Variants in FGD5 observed in about 807,000 individuals in gnomAD.
The protein encoded by FGD5 is FYVE, RhoGEF and PH domain-containing protein 5.
FGD5 carries 28 observed loss-of-function variants against 133.4 expected under a neutral mutation model. The observed-to-expected ratio is 0.21, with a 90% confidence interval of 0.16 to 0.29. The LOEUF (loss-of-function observed/expected upper bound fraction) is 0.29, where lower values mean the gene tolerates loss of function less well. FGD5 is among the 10% of genes least tolerant of loss of function. FGD5 has a pLI of 1.00. For synonymous variants in FGD5, 810 were observed against 776.5 expected, an observed-to-expected ratio of 1.04 and a Z score of -0.72; for missense variants, 1,858 against 1,895.2, an observed-to-expected ratio of 0.98 and a Z score of 0.36.
At chr3:14,854,389 T>TTTTTA (rs1215206630) in intron 1 of FGD5, among the ~76,000 whole-genome samples, 2 of 137,560 alleles carry the variant, frequency 1.5e-5, no homozygotes, top group African/African-American at 2.8e-5. Flanking sequence ...TTTCTTTTCT[T>TTTTTA]TTTATTTATT....
chr3:14,892,263 G>A (rs933195123), intron 4 of FGD5, among the ~76,000 whole-genome samples: 6 of 151,548 alleles, frequency 4.0e-5, no homozygotes, highest in Non-Finnish European at 7.4e-5. Context: ...GTGTAGTGGC[G>A]CTATCACAAC....
intron 1 of FGD5, among the ~76,000 whole-genome samples, chr3:14,858,058 G>A (rs1008526293): frequency 1.3e-5 from 2 of 152,182 alleles, no homozygotes; most frequent in African/African-American, 4.8e-5. Context: ...GTACAGTAAA[G>A]TACCCAGAGT....
chr3:14,915,798 C>G (rs1312441877), intron 11 of FGD5, among the ~76,000 whole-genome samples: 1 of 147,280 alleles, frequency 6.8e-6, no homozygotes, highest in Non-Finnish European at 1.5e-5. Context: ...GGTTCATGTT[C>G]CCAGGTGGAC....
At position 14,819,722 on chromosome 3, in the gene FGD5, TGAG is replaced by T. The variant is rs1012702631; in HGVS notation, c.654_656del (p.Glu219del). On this transcript the variant is annotated inframe_deletion, in exon 1 of 20. Transcript: ENST00000285046. This position sits in a 1 kb window ranked among gnomAD's most constrained non-coding sequence, Gnocchi z 4.1. ...CCCCCGGGGAGGCAGAGGAGGATGA[TGAG>T]GAAGGCTGTGCCAGCACAGACCCAG... 9 of 1,534,040 alleles carry T rather than the reference TGAG, an allele frequency of 5.9e-6. No homozygotes were observed. Among genetic ancestry groups the T allele is most frequent in the African/African-American group, 2.8e-5 (2 of 72,478 alleles).
chr3:14,901,231 C>T (rs940704670), intron 9 of FGD5, among the ~76,000 whole-genome samples, 170 bp downstream of exon 9: 7 of 152,184 alleles, frequency 4.6e-5, no homozygotes, highest in Admixed American at 3.3e-4. Context: ...TGTGTGACCT[C>T]AGGCGCTGTG....
chr3:14,830,963 A>G (rs2036696047), intron 1 of FGD5, among the ~76,000 whole-genome samples: 1 of 152,210 alleles, frequency 6.6e-6, no homozygotes, highest in African/African-American at 2.4e-5. Context: ...GGAAAAGAAG[A>G]ATAAAAAAAT....
chr3:14,926,970 A>C (rs1300126880), intron 18 of FGD5, among the ~76,000 whole-genome samples: 1 of 152,206 alleles, frequency 6.6e-6, no homozygotes, highest in Non-Finnish European at 1.5e-5. Flanking sequence ...GATGCTAGCA[A>C]ATGTGCAAAA....
At chr3:14,891,458 A>G (rs1329168955) in intron 4 of FGD5, among the ~76,000 whole-genome samples, 1 of 152,198 alleles carries the variant, frequency 6.6e-6, no homozygotes, top group Non-Finnish European at 1.5e-5. Context: ...TCATAGGAAC[A>G]CACATACCTT....
rs377729473 is a variant in FGD5, at chr3:14,820,086, G to T, written c.1015G>T (p.Val339Leu). ...PFENDCMEDF[V>L]TSLTGSPYEF... ...TGAGAATGACTGCATGGAGGACTTC[G>T]TGACTTCCCTCACAGGAAGCCCCTA... is the stretch of plus-strand genomic sequence containing the variant. The change falls in exon 1 of 20, where the codon GTG becomes TTG. Residue 339 changes from valine to leucine, a missense_variant. Physicochemically the swap from Val to Leu is conservative, Grantham distance 32. Transcript: ENST00000285046. 6.2e-7 allele frequency: 1 copy of T among 1,614,038 alleles called. No individual in the cohort carries two copies. The highest frequency in any genetic ancestry group is 1.1e-5 in the South Asian group (1 of 91,084).
intron 1 of FGD5, among the ~76,000 whole-genome samples, chr3:14,822,197 A>G (rs2036518861): frequency 6.6e-6 from 1 of 152,190 alleles, no homozygotes; most frequent in Non-Finnish European, 1.5e-5. Flanking sequence ...GGTACATGTG[A>G]AAGCATTTTT....
chr3:14,832,594 AGAAGAG>A (rs2036733596), intron 1 of FGD5, among the ~76,000 whole-genome samples: 3 of 152,124 alleles, frequency 2.0e-5, no homozygotes, highest in Admixed American at 6.5e-5. Context: ...TTTTTTTAAT[AGAAGAG>A]AAAACTGAGG....
intron 9 of FGD5, among the ~76,000 whole-genome samples, chr3:14,906,199 C>T (rs2038337900): frequency 6.6e-6 from 1 of 152,226 alleles, no homozygotes; most frequent in Non-Finnish European, 1.5e-5. Flanking sequence ...CAGGCTACTG[C>T]CCTGTGTTAC....
At chr3:14,899,940 C>A (rs293908) in intron 7 of FGD5, among the ~76,000 whole-genome samples, 18,643 of 152,138 alleles carry the variant, frequency 0.12, 1,525 homozygotes, top group East Asian at 0.42. Flanking sequence ...TGGGGTAGGA[C>A]CAAGCTTGGC....
At chr3:14,926,792 G>A (rs1284992043) in intron 18 of FGD5, among the ~76,000 whole-genome samples, 1 of 152,088 alleles carries the variant, frequency 6.6e-6, no homozygotes, top group Admixed American at 6.5e-5. Context: ...GTTGGATAAT[G>A]TGAAACATTT....
intron 18 of FGD5, among the ~76,000 whole-genome samples, chr3:14,929,700 A>G (rs115995752): frequency 5.6e-4 from 86 of 152,308 alleles, no homozygotes; most frequent in Non-Finnish European, 1.1e-3. Flanking sequence ...TTTTTAAAGT[A>G]GGTTGTACTG....
chr3:14,882,830 T>C (rs1335919587), intron 4 of FGD5, among the ~76,000 whole-genome samples: 4 of 152,162 alleles, frequency 2.6e-5, no homozygotes, highest in African/African-American at 9.7e-5. Flanking sequence ...AGGTCCTAGC[T>C]AGGGACATGA....
chr3:14,843,484 G>A (rs2036964423), intron 1 of FGD5, among the ~76,000 whole-genome samples: 1 of 152,092 alleles, frequency 6.6e-6, no homozygotes, highest in Admixed American at 6.6e-5. Context: ...GTCCACCCCA[G>A]GCTCTGCGGC....
intron 1 of FGD5, among the ~76,000 whole-genome samples, chr3:14,858,850 C>G (rs1001522642): frequency 6.6e-6 from 1 of 152,190 alleles, no homozygotes; most frequent in African/African-American, 2.4e-5. Flanking sequence ...AAGAGGTTAA[C>G]ATGTATCTGT....
intron 1 of FGD5, 35 bp downstream of exon 1, chr3:14,821,631 G>A (rs113243652): frequency 0.015 from 22,390 of 1,517,140 alleles, 195 homozygotes; most frequent in Non-Finnish European, 0.016. Context: ...TTGTTCGGCA[G>A]CTGTAACTGT....
Sources: gnomAD v4.1 joint callset for allele counts (sites outside exome capture counted in the v4.1 genomes callset) on GRCh38, gnomAD v4.1.1 for gene constraint, Gnocchi (gnomAD v3.1) non-coding constraint, MANE v1.5 for transcripts, NCBI Gene and HGNC (gene_info 2026-07-23, HGNC 2026-07-21) for gene names.